FBXW9: variants seen among roughly 807,000 people sequenced by gnomAD.
The protein encoded by FBXW9 is F-box and WD repeat domain containing 9.
In FBXW9, 38 loss-of-function variants were observed where a neutral mutation model predicts 55.8. The observed-to-expected ratio is 0.68, with a 90% confidence interval of 0.53 to 0.89. The LOEUF is 0.89. Among genes scored for constraint, FBXW9 ranks in the 40% least tolerant of loss-of-function variants. FBXW9 has a pLI of 0.00. For synonymous variants in FBXW9, 289 were observed against 278.2 expected (o/e 1.04, Z -0.38); for missense variants, 590 against 619.4 (o/e 0.95, Z 0.50).
intron 3 of FBXW9, among the ~76,000 whole-genome samples, chr19:12,692,260 T>C (rs2025019193): frequency 6.8e-6 from 1 of 147,086 alleles, no homozygotes; most frequent in African/African-American, 2.6e-5. Flanking sequence ...GGAGTTTTGC[T>C]CCTGTTGCCC....
At position 12,694,783 on chromosome 19, in the gene FBXW9, A is replaced by C. The variant is rs1271565586; in HGVS notation, c.549+16T>G. The C allele has an allele frequency of 1.2e-6, 2 of 1,613,754 alleles. No individual in the cohort carries two copies. Among genetic ancestry groups the C allele is most frequent in the Non-Finnish European group, 1.7e-6 (2 of 1,179,812 alleles). On this transcript the variant is annotated intron_variant, in intron 2 of 9. Coordinates refer to ENST00000393261, the MANE Select transcript of FBXW9 (RefSeq NM_032301.3). ...CCTGGCCCACCCTGCCTGGCCCCCC[A>C]CAGACCCCGTCTCACCTGGAGCAGC...
intron 5 of FBXW9, among the ~76,000 whole-genome samples, chr19:12,690,645 G>A (rs779546775): frequency 1.1e-4 from 16 of 152,036 alleles, no homozygotes; most frequent in African/African-American, 1.4e-4. Context: ...ATGGCCGGGC[G>A]CGGTGGCTCA....
At chr19:12,694,535 G>T in intron 3 of FBXW9, 59 bp downstream of exon 3, 6 of 1,573,852 alleles carry the variant, frequency 3.8e-6, no homozygotes, top group Non-Finnish European at 4.3e-6. Context: ...AAAACCTGGG[G>T]CCTTAACCAA....
At chr19:12,691,109 G>T (rs543956459) in intron 5 of FBXW9, 57 bp downstream of exon 5, 4 of 1,440,032 alleles carry the variant, frequency 2.8e-6, no homozygotes, top group African/African-American at 2.8e-5. Context: ...TGAAGCCCCA[G>T]TGTCTCCTTC....
At position 12,689,451 on chromosome 19, in the gene FBXW9, A is replaced by AT; in HGVS notation, c.1237-15dup. The stretch of plus-strand genomic sequence containing the variant: ...GGGCACGTGCACCTAGTGAGGGGCA[A>AT]TGGGCGAGGTCAAGAGGTGTGCCCC... On this transcript the variant is annotated splice_polypyrimidine_tract_variant and intron_variant, in intron 8 of 9. Transcript: ENST00000393261. The surrounding 1 kb of genome is among the most constrained non-coding windows in gnomAD (Gnocchi z 5.9). The AT allele has an allele frequency of 6.2e-7, 1 of 1,614,034 alleles. No individual in the cohort carries two copies. Among genetic ancestry groups the AT allele is most frequent in the Non-Finnish European group, 8.5e-7 (1 of 1,179,970 alleles).
intron 1 of FBXW9, 24 bp downstream of exon 1, chr19:12,696,142 CCCCCGGT>C (rs1333283563): frequency 2.7e-6 from 4 of 1,456,930 alleles, no homozygotes; most frequent in Non-Finnish European, 2.7e-6. Context: ...GCGCCCCCGG[CCCCCGGT>C]CCCCGGCCCC....
At position 12,689,668 on chromosome 19, in the gene FBXW9, C is replaced by T. The variant is rs755272957; in HGVS notation, c.1147-38G>A. The T allele has an allele frequency of 1.9e-6, 3 of 1,610,660 alleles. No homozygotes were observed. The highest frequency in any genetic ancestry group is 1.7e-5 in the Admixed American group (1 of 59,968). ...GATCAGGCAACACTCAGTCGAGGCT[C>T]TCCCAAGGCCCGCCCTCCCCCACAC... On this transcript the variant is annotated intron_variant, in intron 7 of 9. Coordinates refer to ENST00000393261, the MANE Select transcript of FBXW9 (RefSeq NM_032301.3). This position sits in a 1 kb window ranked among gnomAD's most constrained non-coding sequence, Gnocchi z 5.9.
At chr19:12,693,669 T>C (rs1394337831) in intron 3 of FBXW9, among the ~76,000 whole-genome samples, 1 of 139,254 alleles carries the variant, frequency 7.2e-6, no homozygotes, top group Admixed American at 7.3e-5. Flanking sequence ...GGAGGCAAGG[T>C]TGCAGTGAGC....
intron 5 of FBXW9, 36 bp from the exon 6 acceptor site, chr19:12,690,146 G>C: frequency 6.2e-7 from 1 of 1,611,818 alleles, no homozygotes; most frequent in South Asian, 1.1e-5. Flanking sequence ...AGGGATATCA[G>C]AGCCCCTCGA....
Position 12,696,615 on chromosome 19 carries a change from T to C in FBXW9, c.-34A>G, listed in dbSNP as rs748898104. The C allele has an allele frequency of 3.1e-6, 5 of 1,598,552 alleles. No individual in the cohort carries two copies. Among genetic ancestry groups the C allele is most frequent in the Non-Finnish European group, 4.2e-6 (5 of 1,178,624 alleles). ...GGTGGGCGCTGCCGGCCTCGCGTCT[T>C]GTCTCCTAGGCAGCACGAGGGCACT... On this transcript the variant is annotated 5_prime_UTR_variant, in exon 1 of 10. Coordinates refer to ENST00000393261, the MANE Select transcript of FBXW9 (RefSeq NM_032301.3).
intron 5 of FBXW9, 26 bp downstream of exon 5, chr19:12,691,140 C>T: frequency 6.3e-7 from 1 of 1,598,546 alleles, no homozygotes; most frequent in South Asian, 1.1e-5. Context: ...CATCTCCCAA[C>T]CTGGGCCCCA....
chr19:12,693,656 T>C (rs1325915657), intron 3 of FBXW9, among the ~76,000 whole-genome samples: 1 of 131,158 alleles, frequency 7.6e-6, no homozygotes, highest in Non-Finnish European at 1.6e-5. Context: ...TTCCAGCTAC[T>C]CAGGAGGCAA....
intron 5 of FBXW9, chr19:12,690,339 G>A (rs1025543295): frequency 2.4e-5 from 16 of 678,704 alleles, no homozygotes; most frequent in Admixed American, 4.7e-5. Context: ...TCCCTCCTCC[G>A]ATCCCATCTA....
intron 5 of FBXW9, among the ~76,000 whole-genome samples, chr19:12,690,914 C>T (rs551316112): frequency 2.8e-4 from 42 of 152,274 alleles, no homozygotes; most frequent in African/African-American, 9.4e-4. Context: ...ATGGGGAAAC[C>T]GAGGTTCAAG....
chr19:12,691,734 C>CG (rs1279311616), intron 3 of FBXW9, among the ~76,000 whole-genome samples: 2 of 152,090 alleles, frequency 1.3e-5, no homozygotes, highest in Admixed American at 1.3e-4. Context: ...CTTCAGAGTC[C>CG]AGGAAAGGCA....
At position 12,694,677 on chromosome 19, in the gene FBXW9, A is replaced by G. The variant is rs201026853; in HGVS notation, c.595T>C (p.Leu199=). 1.1e-4 allele frequency: 171 copies of G among 1,614,164 alleles called. 1 individual carries two copies. The East Asian group carries it at 3.7e-3, about 35-fold the overall frequency. The stretch of plus-strand genomic sequence containing the variant: ...GTCCCCAGCTGCCGCAGGTCCCACA[A>G]GTTGACGTTGCGATCTCGGGAGCCC... ...LSGSRDRNVN[L]WDLRQLGTES... is the part of the protein sequence containing the mutation. The change falls in exon 3 of 10, where the codon TTG becomes CTG. Residue 199 remains leucine, a synonymous_variant. Transcript: ENST00000393261.
At position 12,696,306 on chromosome 19, in the gene FBXW9, G is replaced by A. The variant is rs1214184318; in HGVS notation, c.276C>T (p.Ser92=). Residue 92 remains serine, a synonymous_variant, in exon 1 of 10, where the codon TCC becomes TCT. Coordinates refer to ENST00000393261, the MANE Select transcript of FBXW9 (RefSeq NM_032301.3). ...GGAGCACGAGGCGGGCGTCCAGGTA[G>A]GAGCAGATCTCGAGCAGCAGCTCCG... is the stretch of plus-strand genomic sequence containing the variant. The part of the protein sequence containing the change: ...LPPELLLEIC[S]YLDARLVLHV... The A allele has an allele frequency of 2.5e-6, 4 of 1,582,696 alleles. No individual in the cohort carries two copies. In the South Asian group the frequency reaches 4.6e-5, roughly 18 times the overall value.
At position 12,689,053 on chromosome 19, in the gene FBXW9, C is replaced by T. The variant is rs548284613; in HGVS notation, c.*163G>A. The stretch of plus-strand genomic sequence containing the variant: ...CTGAACCCCAATTTCACCCTTCCCC[C>T]GGGCATAGGGCCCAGGCCAGGACGC... On this transcript the variant is annotated 3_prime_UTR_variant, in exon 10 of 10. Transcript: ENST00000393261. This position sits in a 1 kb window ranked among gnomAD's most constrained non-coding sequence, Gnocchi z 5.9. The T allele has an allele frequency of 4.8e-5, 35 of 725,248 alleles. No homozygotes were observed. Among genetic ancestry groups the T allele is most frequent in the East Asian group, 3.2e-4 (12 of 37,368 alleles). 44.9% of individuals were successfully genotyped at this position (725,248 alleles called of 1,614,324 possible).
chr19:12,696,476 G>A lies in FBXW9; in HGVS notation c.106C>T (p.Arg36Cys), dbSNP rs2025073005. 2.5e-6 allele frequency: 4 copies of A among 1,612,608 alleles called. No homozygotes were observed. Among genetic ancestry groups the A allele is most frequent in the Non-Finnish European group, 3.4e-6 (4 of 1,179,942 alleles). ...PDAQAKAYVA[R>C]VLSPPKSGLA... is the part of the protein sequence containing the mutation. ...CCGGATTTTGGCGGACTGAGAACGC[G>A]GGCCACGTAGGCCTTGGCCTGCGCG... The change falls in exon 1 of 10, where the codon CGC becomes TGC. Residue 36 changes from arginine (R) to cysteine (C), a missense_variant. Arg to Cys is a radical substitution (Grantham distance 180). Coordinates refer to ENST00000393261, the MANE Select transcript of FBXW9 (RefSeq NM_032301.3).
Sources: gnomAD v4.1 joint callset for allele counts (sites outside exome capture counted in the v4.1 genomes callset) on GRCh38, gnomAD v4.1.1 for gene constraint, Gnocchi (gnomAD v3.1) non-coding constraint, MANE v1.5 for transcripts, NCBI Gene and HGNC (gene_info 2026-07-23, HGNC 2026-07-21) for gene names.